The following GPRIN3 variants were observed in gnomAD, a reference collection of about 807,000 sequenced individuals.
GPRIN3 encodes GPRIN family member 3, also known as G protein-regulated inducer of neurite outgrowth 3.
GPRIN3 carries 12 observed loss-of-function variants against 13.7 expected under a neutral mutation model. The ratio of observed to expected loss-of-function variants is 0.87; its 90% CI spans 0.56 to 1.42. The LOEUF (loss-of-function observed/expected upper bound fraction) is 1.42. Ranked by LOEUF, GPRIN3 falls within the 40% of genes most tolerant of loss-of-function variation. The probability of loss-of-function intolerance (pLI) is 0.00; values close to 1 mark genes in which losing one functional copy is unlikely to be tolerated. For synonymous variants in GPRIN3, 377 were observed against 372.7 expected, an observed-to-expected ratio of 1.01 and a Z score of -0.13; for missense variants, 1,009 against 958.7, an observed-to-expected ratio of 1.05 and a Z score of -0.69.
At chr4:89,281,677 C>T (rs1233322321) in intron 1 of GPRIN3, among the ~76,000 whole-genome samples, 2 of 152,204 alleles carry the variant, frequency 1.3e-5, no homozygotes, top group Non-Finnish European at 2.9e-5. Context: ...CTGCTGACAC[C>T]TTGTTCTCAG....
At chr4:89,268,841 C>G (rs1030640758) in intron 1 of GPRIN3, among the ~76,000 whole-genome samples, 1 of 152,106 alleles carries the variant, frequency 6.6e-6, no homozygotes, top group Non-Finnish European at 1.5e-5. Flanking sequence ...ATTTGGCAAG[C>G]TCTCTAAATT....
intron 1 of GPRIN3, among the ~76,000 whole-genome samples, chr4:89,305,339 C>T (rs923924610): frequency 3.3e-5 from 5 of 152,184 alleles, no homozygotes; most frequent in Admixed American, 1.3e-4. Flanking sequence ...TCCACAGCAC[C>T]CTGTCAGGGC....
At chr4:89,275,867 A>G (rs1053461668) in intron 1 of GPRIN3, among the ~76,000 whole-genome samples, 4 of 152,236 alleles carry the variant, frequency 2.6e-5, no homozygotes, top group African/African-American at 9.6e-5. Context: ...CACATTTCAC[A>G]AAGAAAAAAC....
chr4:89,300,955 C>G (rs79094149), intron 1 of GPRIN3, among the ~76,000 whole-genome samples: 2,241 of 151,942 alleles, frequency 0.015, 50 homozygotes, highest in African/African-American at 0.05. Context: ...TCATTTTTAC[C>G]TGCATTTTTC....
chr4:89,303,214 A>G (rs1724945409), intron 1 of GPRIN3, among the ~76,000 whole-genome samples: 1 of 152,266 alleles, frequency 6.6e-6, no homozygotes, highest in Non-Finnish European at 1.5e-5. Context: ...AACTGACGAA[A>G]AGAAAATATG....
intron 1 of GPRIN3, among the ~76,000 whole-genome samples, chr4:89,291,675 A>C (rs1261773618): frequency 6.6e-6 from 1 of 151,944 alleles, no homozygotes; most frequent in African/African-American, 2.4e-5. Flanking sequence ...TCACTTAGCT[A>C]AATAGGAGTG....
Position 89,291,524 on chromosome 4 carries a change from T to A in GPRIN3, c.-124+16091A>T, listed in dbSNP as rs1327189455. Among the ~76,000 whole-genome samples the A allele has an allele frequency of 4.6e-5, 7 of 152,376 alleles. No individual in the cohort carries two copies. In the East Asian group the frequency reaches 1.3e-3, roughly 29 times the overall value. Reference sequence around the variant, plus strand: ...TCAATACTTTGTTCCTTTTTATTTCTGGACATTGTTTCACTGCATGAATGT... The same window carrying A: ...TCAATACTTTGTTCCTTTTTATTTCAGGACATTGTTTCACTGCATGAATGT... On this transcript the variant is annotated intron_variant, in intron 1 of 1. Transcript: ENST00000609438.
In GPRIN3 at chr4:89,242,473, A is replaced by T. The variant is rs1722969436; in HGVS notation, c.*5307T>A. ...AGCTGTCTTGAGTTTTAAGCCAGCA[A>T]GACTTTGAGTGGCTCCTCTTCCCTC... On this transcript the variant is annotated 3_prime_UTR_variant, in exon 2 of 2. Transcript: ENST00000609438. The T allele has an allele frequency of 6.6e-6, 1 of 152,218 alleles. No homozygotes were observed. Among genetic ancestry groups the T allele is most frequent in the South Asian group, 2.1e-4 (1 of 4,832 alleles). 9.4% of individuals were successfully genotyped at this position (152,218 alleles called of 1,614,324 possible).
chr4:89,263,397 C>A (rs2149265889), intron 1 of GPRIN3, among the ~76,000 whole-genome samples: 1 of 152,318 alleles, frequency 6.6e-6, no homozygotes, highest in South Asian at 2.1e-4. Flanking sequence ...CCAGCCTGTG[C>A]ACTGGCGGGA....
rs1722802777 is a variant in GPRIN3 at position 89,236,721 on chromosome 4, C to A, written c.*11059G>T. ...TTTGATTCGAAGCTGAGATTTGAACCCAGGGTCCTTTGATTCCAAGCCCAG... is the reference window on the plus strand; with the variant it reads ...TTTGATTCGAAGCTGAGATTTGAACACAGGGTCCTTTGATTCCAAGCCCAG... On this transcript the variant is annotated 3_prime_UTR_variant, in exon 2 of 2. Transcript: ENST00000609438. The A allele has an allele frequency of 6.6e-6, 1 of 152,072 alleles. No homozygotes were observed. The highest frequency in any genetic ancestry group is 2.1e-4 in the South Asian group (1 of 4,820). 9.4% of individuals were successfully genotyped at this position (152,072 alleles called of 1,614,324 possible). A position where few individuals can be genotyped will look rare whatever the true frequency, so the allele number is the denominator to read the frequency against.
intron 1 of GPRIN3, among the ~76,000 whole-genome samples, chr4:89,270,219 G>C (rs1419214421): frequency 1.3e-5 from 2 of 151,972 alleles, no homozygotes; most frequent in African/African-American, 2.4e-5. Context: ...TGGTGGTACA[G>C]CTTCTCAGGA....
chr4:89,257,808 T>G (rs1169328775), intron 1 of GPRIN3, among the ~76,000 whole-genome samples: 2 of 152,244 alleles, frequency 1.3e-5, no homozygotes, highest in South Asian at 4.2e-4. Context: ...GAACATTCCT[T>G]TAAACCCTAT....
Position 89,248,454 on chromosome 4 carries a change from CA to C in GPRIN3, c.1656del (p.Gly553AlafsTer41), listed in dbSNP as rs1230814395. 1 of 1,613,326 alleles carries C rather than the reference CA, an allele frequency of 6.2e-7. No individual in the cohort carries two copies. The highest frequency in any genetic ancestry group is 8.5e-7 in the Non-Finnish European group (1 of 1,179,740). Reference sequence around the variant, plus strand: ...GTTTTGGCATCCGAGGTATCAGTGCCAGTAGACTCTTTTTCTTTTACTACCT... The same window carrying C: ...GTTTTGGCATCCGAGGTATCAGTGCCGTAGACTCTTTTTCTTTTACTACCT... Reference protein sequence around the residue: ...SPQVVKEKESTGTDTSDAKTL... With the variant: ...SPQVVKEKESXGTDTSDAKTL... On this transcript the variant is annotated frameshift_variant, in exon 2 of 2. Coordinates refer to ENST00000609438, the MANE Select transcript of GPRIN3 (RefSeq NM_198281.3). LOFTEE classifies it low-confidence loss of function (END_TRUNC).
At chr4:89,250,273 G>T in intron 1 of GPRIN3, 40 bp from the exon 2 acceptor site, 1 of 1,333,264 alleles carries the variant, frequency 7.5e-7, no homozygotes, top group Non-Finnish European at 9.7e-7. Flanking sequence ...ACAGTACGTC[G>T]CTTAAGGATT....
At chr4:89,265,475 TC>T (rs1241699358) in intron 1 of GPRIN3, among the ~76,000 whole-genome samples, 1 of 152,180 alleles carries the variant, frequency 6.6e-6, no homozygotes, top group African/African-American at 2.4e-5. Context: ...TAAAGAATAT[TC>T]TTTCAAATTT....
chr4:89,276,727 C>T (rs899157694), intron 1 of GPRIN3, among the ~76,000 whole-genome samples: 1 of 152,218 alleles, frequency 6.6e-6, no homozygotes, highest in East Asian at 1.9e-4. Context: ...CAGTCACTTT[C>T]CTATTACCCC....
intron 1 of GPRIN3, among the ~76,000 whole-genome samples, chr4:89,285,704 T>C (rs1035162439): frequency 7.9e-5 from 12 of 152,294 alleles, no homozygotes; most frequent in African/African-American, 2.6e-4. Flanking sequence ...CCATAATTAC[T>C]CCTCAAATAT....
chr4:89,264,592 C>T (rs2149266708), intron 1 of GPRIN3, among the ~76,000 whole-genome samples: 1 of 152,172 alleles, frequency 6.6e-6, no homozygotes, highest in Admixed American at 6.5e-5. Flanking sequence ...TATGTAGGAG[C>T]TCATGGGGAA....
rs1024404085 is a variant in GPRIN3 at position 89,242,951 on chromosome 4, C to T, written c.*4829G>A. On this transcript the variant is annotated 3_prime_UTR_variant, in exon 2 of 2. Transcript: ENST00000609438. ...AATGTTTCAGGATTGTTTGTTGCTG[C>T]TATCTACACATATATACAGATGCAC... 3 of 151,806 alleles carry T rather than the reference C, an allele frequency of 2.0e-5. No individual in the cohort carries two copies. Among genetic ancestry groups the T allele is most frequent in the Admixed American group, 6.6e-5 (1 of 15,234 alleles). 9.4% of individuals were successfully genotyped at this position (151,806 alleles called of 1,614,324 possible).
Sources: gnomAD v4.1 joint callset for allele counts (sites outside exome capture counted in the v4.1 genomes callset) on GRCh38, gnomAD v4.1.1 for gene constraint, MANE v1.5 for transcripts, NCBI Gene and HGNC (gene_info 2026-07-23, HGNC 2026-07-21) for gene names.